ANKS1B: variants seen among roughly 807,000 people sequenced by gnomAD.
ANKS1B encodes ankyrin repeat and sterile alpha motif domain-containing protein 1B.
In ANKS1B, 36 loss-of-function variants were observed where a neutral mutation model predicts 148.3. The ratio of observed to expected loss-of-function variants is 0.24; its 90% CI spans 0.19 to 0.32. The LOEUF (loss-of-function observed/expected upper bound fraction) is 0.32. Ranked by LOEUF, ANKS1B falls within the 10% of genes least tolerant of loss-of-function variation. The pLI, the probability that ANKS1B is intolerant of heterozygous loss-of-function variation, is 1.00. For synonymous variants in ANKS1B, 542 were observed against 560.8 expected, an observed-to-expected ratio of 0.97 and a Z score of 0.47; for missense variants, 1,157 against 1,542.6, an observed-to-expected ratio of 0.75 and a Z score of 4.19.
intron 17 of ANKS1B, chr12:98,894,929 A>C (rs1049047820): frequency 6.0e-5 from 50 of 836,208 alleles, no homozygotes; most frequent in East Asian, 1.4e-4. Context: ...CGTGCCCCCC[A>C]CCCCCCGCCG....
intron 1 of ANKS1B, among the ~76,000 whole-genome samples, chr12:99,828,755 C>A (rs1359169936): frequency 6.6e-6 from 1 of 152,064 alleles, no homozygotes; most frequent in African/African-American, 2.4e-5. Context: ...CGCCTGTAAT[C>A]CCAGCACTTT....
chr12:99,054,495 C>T (rs369190093), intron 16 of ANKS1B, among the ~76,000 whole-genome samples: 6 of 152,078 alleles, frequency 3.9e-5, no homozygotes, highest in Admixed American at 1.3e-4. Context: ...CCAGTTGTTC[C>T]GCTCCCCATT....
intron 1 of ANKS1B, among the ~76,000 whole-genome samples, chr12:99,855,119 T>A (rs1050250853): frequency 5.3e-5 from 8 of 152,078 alleles, no homozygotes; most frequent in African/African-American, 1.9e-4. Context: ...GCAGAATGGA[T>A]AAGAATTCAA....
At chr12:99,229,703 T>C (rs2086520358) in intron 14 of ANKS1B, among the ~76,000 whole-genome samples, 1 of 151,806 alleles carries the variant, frequency 6.6e-6, no homozygotes, top group Non-Finnish European at 1.5e-5. Context: ...AAAAATCTAC[T>C]ATTTATCTTA....
At chr12:99,581,871 C>T (rs1472922505) in intron 9 of ANKS1B, among the ~76,000 whole-genome samples, 1 of 143,606 alleles carries the variant, frequency 7.0e-6, no homozygotes, top group East Asian at 2.1e-4. Context: ...GCAGTCCAGC[C>T]TGGGCGACAG....
intron 14 of ANKS1B, among the ~76,000 whole-genome samples, chr12:99,197,156 T>A (rs1316456635): frequency 6.6e-6 from 1 of 152,092 alleles, no homozygotes; most frequent in East Asian, 1.9e-4. Flanking sequence ...GGTAGCCTGA[T>A]CAGAACTACA....
chr12:99,231,569 C>T (rs777183807), intron 14 of ANKS1B, among the ~76,000 whole-genome samples: 3 of 151,996 alleles, frequency 2.0e-5, no homozygotes, highest in Non-Finnish European at 4.4e-5. Context: ...TAGTAAACTG[C>T]ACATCATCTG....
rs1459150080 is a variant in ANKS1B, at chr12:98,829,416, T to G, written c.2887-63A>C. 13 of 1,524,876 alleles carry G rather than the reference T, an allele frequency of 8.5e-6. No individual in the cohort carries two copies. The highest frequency in any genetic ancestry group is 1.2e-5 in the Non-Finnish European group (13 of 1,122,298). 94.5% of individuals were successfully genotyped at this position (1,524,876 alleles called of 1,614,324 possible). The stretch of plus-strand genomic sequence containing the variant: ...TGTGGCTAACCTTTGGTTTCAAAAT[T>G]GTGAAATACTGACAAGACAAACTGT... On this transcript the variant is annotated intron_variant, in intron 18 of 26. Transcript: ENST00000683438. The surrounding 1 kb of genome is among the most constrained non-coding windows in gnomAD (Gnocchi z 5.2).
chr12:99,628,356 G>A (rs1201990021), intron 9 of ANKS1B, among the ~76,000 whole-genome samples: 1 of 151,950 alleles, frequency 6.6e-6, no homozygotes, highest in African/African-American at 2.4e-5. Flanking sequence ...ATCCTAATCT[G>A]GTTTCTGTTT....
intron 12 of ANKS1B, among the ~76,000 whole-genome samples, chr12:99,346,957 C>T (rs1010104790): frequency 6.6e-6 from 1 of 151,910 alleles, no homozygotes; most frequent in Admixed American, 6.6e-5. Context: ...TTATTTGTGT[C>T]CATCCCCACC....
chr12:99,649,451 G>C, intron 9 of ANKS1B: 2 of 1,434,744 alleles, frequency 1.4e-6, no homozygotes, highest in Non-Finnish European at 2.0e-6. Flanking sequence ...CACCCCTGCA[G>C]TCATAAAACC....
chr12:99,316,783 A>T (rs952198667), intron 12 of ANKS1B, among the ~76,000 whole-genome samples: 3 of 152,116 alleles, frequency 2.0e-5, no homozygotes, highest in African/African-American at 7.2e-5. Flanking sequence ...GGTTTTCTTT[A>T]AGGGTTTTTA....
intron 11 of ANKS1B, 68 bp downstream of exon 11, chr12:99,443,605 G>C: frequency 6.6e-7 from 1 of 1,516,128 alleles, no homozygotes. Flanking sequence ...TGCAATATAA[G>C]TGATGTACAT....
intron 12 of ANKS1B, among the ~76,000 whole-genome samples, chr12:99,352,741 A>G (rs1423343263): frequency 6.6e-6 from 1 of 152,036 alleles, no homozygotes; most frequent in Non-Finnish European, 1.5e-5. Flanking sequence ...TCCATGAATT[A>G]TTTACTTAAA....
intron 8 of ANKS1B, among the ~76,000 whole-genome samples, chr12:99,674,647 T>C (rs1421178616): frequency 6.6e-6 from 1 of 151,744 alleles, no homozygotes; most frequent in Non-Finnish European, 1.5e-5. Context: ...TGATGGGAAA[T>C]GAGTTTATGT....
At chr12:99,537,189 T>A (rs991536325) in intron 9 of ANKS1B, among the ~76,000 whole-genome samples, 5 of 152,206 alleles carry the variant, frequency 3.3e-5, no homozygotes, top group Admixed American at 6.5e-5. Context: ...TGCTTCCAAA[T>A]CTTAGCTATT....
At chr12:98,769,521 A>G (rs927078817) in intron 25 of ANKS1B, among the ~76,000 whole-genome samples, 2 of 152,182 alleles carry the variant, frequency 1.3e-5, no homozygotes, top group African/African-American at 4.8e-5. Context: ...CTGGATGAAA[A>G]GATAAATGTT....
chr12:99,286,680 C>T (rs976057491), intron 12 of ANKS1B, among the ~76,000 whole-genome samples: 2 of 152,030 alleles, frequency 1.3e-5, no homozygotes, highest in African/African-American at 2.4e-5. Flanking sequence ...GACTACTGTT[C>T]CGAAGGGAGA....
Position 99,920,183 on chromosome 12 carries a change from G to A in ANKS1B, c.134+63921C>T, listed in dbSNP as rs1364880975. On this transcript the variant is annotated intron_variant, in intron 1 of 26. Coordinates refer to ENST00000683438, the MANE Select transcript of ANKS1B (RefSeq NM_001352186.2). The stretch of plus-strand genomic sequence containing the variant: ...CCCCACTATCCTGGATGCAACACAC[G>A]GATGATTTGCCACAAATAGTCTTTA... Among the ~76,000 whole-genome samples the A allele has an allele frequency of 8.5e-5, 13 of 152,102 alleles. No individual in the cohort carries two copies. The East Asian group carries it at 9.7e-4, about 11-fold the overall frequency.
Sources: gnomAD v4.1 joint callset for allele counts (sites outside exome capture counted in the v4.1 genomes callset) on GRCh38, gnomAD v4.1.1 for gene constraint, Gnocchi (gnomAD v3.1) non-coding constraint, MANE v1.5 for transcripts, NCBI Gene and HGNC (gene_info 2026-07-23, HGNC 2026-07-21) for gene names.